Variants in GYG1 observed in about 807,000 individuals in gnomAD.
The protein encoded by GYG1 is glycogenin 1.
Under a neutral mutation model 41.9 loss-of-function variants are expected in GYG1, and 44 were observed. That is an observed-to-expected ratio of 1.05 (90% CI 0.83 to 1.35). GYG1 has a LOEUF of 1.35. Ranked by LOEUF, GYG1 falls within the 40% of genes most tolerant of loss-of-function variation. The pLI is 0.00. For synonymous variants in GYG1, 141 were observed against 158.1 expected (o/e 0.89, Z 0.81); for missense variants, 429 against 418.9 (o/e 1.02, Z -0.21).
chr3:148,997,676 A>G (rs1444455967), intron 4 of GYG1, among the ~76,000 whole-genome samples: 1 of 152,262 alleles, frequency 6.6e-6, no homozygotes, highest in East Asian at 1.9e-4. Context: ...AATATGCAGA[A>G]GGAGTTCTTT....
At chr3:149,016,000 C>T (rs1270002) in intron 5 of GYG1, among the ~76,000 whole-genome samples, 20 of 151,480 alleles carry the variant, frequency 1.3e-4, no homozygotes, top group Admixed American at 2.6e-4. Flanking sequence ...CAGTGGCTCA[C>T]GCCTGTAATC....
At chr3:149,005,936 A>G (rs1713376930) in intron 4 of GYG1, among the ~76,000 whole-genome samples, 1 of 152,074 alleles carries the variant, frequency 6.6e-6, no homozygotes, top group Admixed American at 6.5e-5. Context: ...CACCAGTTTT[A>G]TATGTATTCC....
At chr3:149,012,517 G>T (rs547439651) in intron 5 of GYG1, among the ~76,000 whole-genome samples, 2 of 152,264 alleles carry the variant, frequency 1.3e-5, no homozygotes, top group South Asian at 4.1e-4. Flanking sequence ...GAACTTTGTG[G>T]CCTTTGGTCT....
intron 6 of GYG1, among the ~76,000 whole-genome samples, chr3:149,025,659 TATA>T (rs1225607588): frequency 6.6e-6 from 1 of 152,184 alleles, no homozygotes; most frequent in Non-Finnish European, 1.5e-5. Flanking sequence ...AAAGAAGTTA[TATA>T]ACTTGTCTTA....
At chr3:149,014,231 C>T (rs1316557153) in intron 5 of GYG1, among the ~76,000 whole-genome samples, 1 of 152,134 alleles carries the variant, frequency 6.6e-6, no homozygotes, top group Non-Finnish European at 1.5e-5. Flanking sequence ...ATTCTGACCT[C>T]ATCCGAAGTG....
chr3:149,008,002 T>G (rs375168490), intron 4 of GYG1: 2 of 152,256 alleles, frequency 1.3e-5, no homozygotes, highest in Non-Finnish European at 2.9e-5. Context: ...GAGGAAGATA[T>G]GAAGTCCAGG....
At chr3:148,995,924 T>C (rs977597657) in intron 2 of GYG1, among the ~76,000 whole-genome samples, 4 of 152,220 alleles carry the variant, frequency 2.6e-5, no homozygotes, top group African/African-American at 9.6e-5. Context: ...GCTGGTTATA[T>C]TGGATTCTAC....
Position 148,996,749 on chromosome 3 carries a change from C to A in GYG1, c.326C>A (p.Ala109Glu). 1 of 1,613,686 alleles carries A rather than the reference C, an allele frequency of 6.2e-7. No homozygotes were observed. Among genetic ancestry groups the A allele is most frequent in the East Asian group, 2.2e-5 (1 of 44,890 alleles). ...TTTCTCCCCTTTGATCAGGTCCTAG[C>A]AAATATTGATGATCTTTTTGACAGA... is the stretch of plus-strand genomic sequence containing the variant. ...VFMDADTLVL[A>E]NIDDLFDREE... Residue 109 changes from alanine (A) to glutamate (E), a missense_variant, in exon 4 of 8, where the codon GCA (alanine) becomes GAA (glutamate). Coordinates refer to ENST00000345003, the MANE Select transcript of GYG1 (RefSeq NM_004130.4).
chr3:149,017,571 C>G (rs77984098), intron 5 of GYG1, among the ~76,000 whole-genome samples: 1 of 44,244 alleles, frequency 2.3e-5, no homozygotes, highest in Non-Finnish European at 5.7e-5. Flanking sequence ...TTATTTATTT[C>G]TTTTATTTAG....
intron 5 of GYG1, among the ~76,000 whole-genome samples, chr3:149,016,260 C>CAAAAA (rs369746026): frequency 4.3e-5 from 3 of 70,016 alleles, no homozygotes; most frequent in East Asian, 4.1e-4. Context: ...GACTCCGTCT[C>CAAAAA]AAAAAAAAAA....
At chr3:148,994,302 C>G in intron 2 of GYG1, 25 bp downstream of exon 2, 1 of 1,612,604 alleles carries the variant, frequency 6.2e-7, no homozygotes, top group African/African-American at 1.3e-5. Flanking sequence ...GCCACCCCAG[C>G]ATCCAAGGGG....
chr3:149,011,289 C>T (rs534334239), intron 5 of GYG1, among the ~76,000 whole-genome samples: 1 of 152,330 alleles, frequency 6.6e-6, no homozygotes, highest in African/African-American at 2.4e-5. Flanking sequence ...ACTTATAACC[C>T]TGCTAGTCTG....
At position 149,027,242 on chromosome 3, in the gene GYG1, A is replaced by C. The variant is rs1714709006; in HGVS notation, c.*309A>C. 5.2e-6 allele frequency: 2 copies of C among 385,116 alleles called. No homozygotes were observed. The highest frequency in any genetic ancestry group is 4.0e-5 in the Admixed American group (1 of 24,914). 23.9% of individuals were successfully genotyped at this position (385,116 alleles called of 1,614,324 possible). A position where few individuals can be genotyped will look rare whatever the true frequency, so the allele number is the denominator to read the frequency against. On this transcript the variant is annotated 3_prime_UTR_variant, in exon 8 of 8. Transcript: ENST00000345003. ...ATTAAGATGGCTGTATCAGTTCTTA[A>C]AATCTGCAGAGCCTGGTTCAAAATC... is the stretch of plus-strand genomic sequence containing the variant.
chr3:148,991,771 G>C lies in GYG1; in HGVS notation c.7+124G>C, dbSNP rs1576534442. On this transcript the variant is annotated intron_variant, in intron 1 of 7. Transcript: ENST00000345003. ...GGCAGGACGAAACCGCCGCAAAGTT[G>C]CTGGCTGGCCGCAGCCGGGCGTGTT... The C allele has an allele frequency of 8.7e-6, 7 of 801,274 alleles. No individual in the cohort carries two copies. In the East Asian group the frequency reaches 2.1e-4, roughly 24 times the overall value. The allele number at this position is 801,274 out of a possible 1,614,324, so 49.6% of individuals were successfully genotyped here.
chr3:149,026,616 T>C, intron 7 of GYG1, 114 bp downstream of exon 7: 1 of 1,003,506 alleles, frequency 1.0e-6, no homozygotes, highest in Non-Finnish European at 1.6e-6. Flanking sequence ...TTTTGTGTCT[T>C]TTTTGTTTGT....
intron 5 of GYG1, among the ~76,000 whole-genome samples, chr3:149,019,574 G>A (rs1420412081): frequency 6.6e-6 from 1 of 152,202 alleles, no homozygotes; most frequent in Non-Finnish European, 1.5e-5. Context: ...AAACTGCCCT[G>A]TCTATGAAAG....
chr3:149,005,941 T>C (rs538430304), intron 4 of GYG1, among the ~76,000 whole-genome samples: 2 of 152,290 alleles, frequency 1.3e-5, no homozygotes, highest in South Asian at 4.1e-4. Flanking sequence ...GTTTTATATG[T>C]ATTCCCTTTT....
In GYG1 at chr3:149,022,324, ATTGT is replaced by A. The variant is rs1259437432; in HGVS notation, c.609-1726_609-1723del. 3.3e-5 allele frequency among the ~76,000 whole-genome samples: 5 copies of A among 152,212 alleles called. No individual in the cohort carries two copies. In the East Asian group the frequency reaches 7.7e-4, roughly 23 times the overall value. On this transcript the variant is annotated intron_variant, in intron 5 of 7. Transcript: ENST00000345003. ...AAAGAATACATATTTTAAAATGTGC[ATTGT>A]TTAAAAATACCACCCAAGTTAAGAC...
chr3:149,013,969 A>G (rs925661669), intron 5 of GYG1, among the ~76,000 whole-genome samples: 2 of 152,212 alleles, frequency 1.3e-5, no homozygotes, highest in Non-Finnish European at 2.9e-5. Context: ...TCAGTTGGCA[A>G]ACCTGGAGCG....
Sources: gnomAD v4.1 joint callset for allele counts (sites outside exome capture counted in the v4.1 genomes callset) on GRCh38, gnomAD v4.1.1 for gene constraint, MANE v1.5 for transcripts, NCBI Gene and HGNC (gene_info 2026-07-23, HGNC 2026-07-21) for gene names.